Variants in ZNF189 observed in about 807,000 individuals in gnomAD.
ZNF189 encodes the protein zinc finger protein 189.
Under a neutral mutation model 53.5 loss-of-function variants are expected in ZNF189, and 33 were observed. That is an observed-to-expected ratio of 0.62 (90% CI 0.47 to 0.82). The LOEUF (loss-of-function observed/expected upper bound fraction) is 0.82, where lower values mean the gene tolerates loss of function less well. ZNF189 is among the 40% of genes least tolerant of loss of function. ZNF189 has a pLI of 0.00. For missense variants in ZNF189, 711 were observed against 753.9 expected (o/e 0.94, Z 0.67); for synonymous variants, 247 against 238.8 (o/e 1.03, Z -0.32).
Position 101,409,520 on chromosome 9 carries a change from C to G in ZNF189, c.1752C>G (p.Val584=). The G allele has an allele frequency of 1.2e-6, 2 of 1,614,050 alleles. No individual in the cohort carries two copies. The highest frequency in any genetic ancestry group is 1.7e-6 in the Non-Finnish European group (2 of 1,179,996). Reference sequence around the variant, plus strand: ...GTTTCAGTCAACAGCGCAGTCTTGTCAACCATCAGAAGATCCATGCAGAGG... The same window carrying G: ...GTTTCAGTCAACAGCGCAGTCTTGTGAACCATCAGAAGATCCATGCAGAGG... The part of the protein sequence containing the change: ...DKSFSQQRSL[V]NHQKIHAEVK... Residue 584 remains valine, a synonymous_variant, in exon 3 of 3, where the codon GTC becomes GTG. Transcript: ENST00000339664.
rs1452334126 is a variant in ZNF189 at position 101,409,564 on chromosome 9, A to G, written c.1796A>G (p.His599Arg). ...GCAGAGGTGAAAACCCAAGAAACCC[A>G]TGAATGTGACGCTTGTGGTGAAGCC... ...IHAEVKTQET[H>R]ECDACGEAFN... The change falls in exon 3 of 3, where the codon CAT becomes CGT. Residue 599 changes from histidine (H) to arginine (R), a missense_variant. Physicochemically the swap from His to Arg is conservative, Grantham distance 29. Coordinates refer to ENST00000339664, the MANE Select transcript of ZNF189 (RefSeq NM_003452.4). 8.1e-6 allele frequency: 13 copies of G among 1,613,978 alleles called. No individual in the cohort carries two copies. The highest frequency in any genetic ancestry group is 5.0e-5 in the Admixed American group (3 of 59,976).
Position 101,408,382 on chromosome 9 carries a change from A to T in ZNF189, c.614A>T (p.Glu205Val), listed in dbSNP as rs976967023. The T allele has an allele frequency of 6.2e-7, 1 of 1,614,010 alleles. No individual in the cohort carries two copies. Among genetic ancestry groups the T allele is most frequent in the East Asian group, 2.2e-5 (1 of 44,834 alleles). ...QRIHTGERPY[E>V]CNYCGKTFSV... The stretch of plus-strand genomic sequence containing the variant: ...ATTCACACTGGGGAAAGGCCCTATG[A>T]GTGTAATTACTGTGGAAAAACCTTT... Residue 205 changes from glutamate (E) to valine (V), a missense_variant, in exon 3 of 3, where the codon GAG (glutamate) becomes GTG (valine). By Grantham distance (121) the Glu-to-Val change is moderately radical. Coordinates refer to ENST00000339664, the MANE Select transcript of ZNF189 (RefSeq NM_003452.4).
chr9:101,405,664 A>G (rs1451748692), intron 2 of ZNF189, among the ~76,000 whole-genome samples: 1 of 152,198 alleles, frequency 6.6e-6, no homozygotes, highest in Non-Finnish European at 1.5e-5. Flanking sequence ...AGAAAAGGCC[A>G]AAGAAGTAGG....
At chr9:101,407,081 G>T (rs902012665) in intron 2 of ZNF189, among the ~76,000 whole-genome samples, 1 of 152,092 alleles carries the variant, frequency 6.6e-6, no homozygotes, top group Admixed American at 6.5e-5. Context: ...ATTTTATTCT[G>T]CATCTCGATA....
Position 101,401,921 on chromosome 9 carries a change from AT to A in ZNF189, c.160+1921del, listed in dbSNP as rs139208707. Among the ~76,000 whole-genome samples the A allele has an allele frequency of 1.4e-3, 208 of 149,480 alleles. 1 individual carries two copies. Among genetic ancestry groups the A allele is most frequent in the African/African-American group, 4.8e-3 (195 of 40,736 alleles). ...CTACCGCTCTGTGAAAATAAGTCCC[AT>A]TTTTTTTTTCAAGTCATAGCCTCAT... On this transcript the variant is annotated intron_variant, in intron 2 of 2. Coordinates refer to ENST00000339664, the MANE Select transcript of ZNF189 (RefSeq NM_003452.4).
chr9:101,399,262 C>A (rs1002600774), intron 1 of ZNF189, 73 bp downstream of exon 1: 1 of 1,398,950 alleles, frequency 7.1e-7, no homozygotes, highest in Admixed American at 2.3e-5. Context: ...CTGCTTTCTC[C>A]CCCAGGCCCC....
intron 2 of ZNF189, among the ~76,000 whole-genome samples, chr9:101,404,292 T>C (rs1830636753): frequency 6.6e-6 from 1 of 152,254 alleles, no homozygotes; most frequent in South Asian, 2.1e-4. Flanking sequence ...CATTCTTTAA[T>C]AATCTTTTTC....
chr9:101,408,897 T>C lies in ZNF189; in HGVS notation c.1129T>C (p.Cys377Arg). ...TGAAAGACCTTATCAGTGCAAAGAG[T>C]GTGGGAAAAGTTTCAGTCAGCTTTG... ...TGERPYQCKE[C>R]GKSFSQLCNL... Residue 377 changes from cysteine to arginine, a missense_variant, in exon 3 of 3, where the codon TGT becomes CGT. Transcript: ENST00000339664. 6.2e-7 allele frequency: 1 copy of C among 1,613,684 alleles called. No individual in the cohort carries two copies. The highest frequency in any genetic ancestry group is 8.5e-7 in the Non-Finnish European group (1 of 1,179,948).
At position 101,408,756 on chromosome 9, in the gene ZNF189, T is replaced by C; in HGVS notation, c.988T>C (p.Tyr330His). The C allele has an allele frequency of 6.2e-7, 1 of 1,614,054 alleles. No individual in the cohort carries two copies. The highest frequency in any genetic ancestry group is 8.5e-7 in the Non-Finnish European group (1 of 1,180,012). ...ECGKAFRLST[Y>H]LIQHQKIHTG... ...TGGGAAAGCCTTTCGATTAAGCACATACCTTATACAACACCAAAAAATTCA... is the reference window on the plus strand; with the variant it reads ...TGGGAAAGCCTTTCGATTAAGCACACACCTTATACAACACCAAAAAATTCA... The change falls in exon 3 of 3, where the codon TAC (tyrosine) becomes CAC (histidine). Residue 330 changes from tyrosine to histidine, a missense_variant. Physicochemically the swap from Tyr to His is moderately conservative, Grantham distance 83. Transcript: ENST00000339664.
intron 2 of ZNF189, among the ~76,000 whole-genome samples, chr9:101,400,846 A>C (rs997753835): frequency 1.3e-5 from 2 of 152,212 alleles, no homozygotes; most frequent in African/African-American, 4.8e-5. Flanking sequence ...TGACTAGACG[A>C]GGGTAACCAA....
At chr9:101,403,393 C>G (rs1249871090) in intron 2 of ZNF189, among the ~76,000 whole-genome samples, 2 of 152,146 alleles carry the variant, frequency 1.3e-5, no homozygotes, top group African/African-American at 4.8e-5. Context: ...ATCTCCATCC[C>G]TTTGGTGAGA....
chr9:101,399,876 T>C lies in ZNF189; in HGVS notation c.34-8T>C. 6.2e-7 allele frequency: 1 copy of C among 1,614,070 alleles called. No individual in the cohort carries two copies. Among genetic ancestry groups the C allele is most frequent in the Non-Finnish European group, 8.5e-7 (1 of 1,179,996 alleles). The stretch of plus-strand genomic sequence containing the variant: ...CAGGAACTGACTACAGAAATCATAC[T>C]ATTTCAGGGGTTGCTGACATTTGAG... On this transcript the variant is annotated splice_polypyrimidine_tract_variant and splice_region_variant and intron_variant, in intron 1 of 2. Coordinates refer to ENST00000339664, the MANE Select transcript of ZNF189 (RefSeq NM_003452.4).
chr9:101,408,225 T>G lies in ZNF189; in HGVS notation c.457T>G (p.Cys153Gly), dbSNP rs1830788217. ...SEEKCHKCEECGKGFVRKAHF... is the reference protein window; with the variant it reads ...SEEKCHKCEEGGKGFVRKAHF... ...AGAGAAATGCCATAAATGTGAAGAA[T>G]GTGGAAAGGGTTTTGTCCGCAAGGC... Residue 153 changes from cysteine to glycine, a missense_variant, in exon 3 of 3, where the codon TGT (cysteine) becomes GGT (glycine). Transcript: ENST00000339664. 1 of 1,614,156 alleles carries G rather than the reference T, an allele frequency of 6.2e-7. No individual in the cohort carries two copies. The highest frequency in any genetic ancestry group is 2.2e-5 in the East Asian group (1 of 44,868).
intron 2 of ZNF189, among the ~76,000 whole-genome samples, chr9:101,404,389 T>A (rs1049433998): frequency 6.7e-6 from 1 of 149,238 alleles, no homozygotes; most frequent in Non-Finnish European, 1.5e-5. Flanking sequence ...TTGGAATGAT[T>A]AGTTTCATAG....
chr9:101,410,165 T>C lies in ZNF189; in HGVS notation c.*516T>C, dbSNP rs1421406462. 3 of 153,304 alleles carry C rather than the reference T, an allele frequency of 2.0e-5. No homozygotes were observed. In the East Asian group the frequency reaches 5.8e-4, roughly 29 times the overall value. The allele number at this position is 153,304 out of a possible 1,614,324, so 9.5% of individuals were successfully genotyped here. ...TGTCATTGTTTAAGAAAGCCAGTTG[T>C]TTGGCATGTGAGTTAAAGGCAGTTC... On this transcript the variant is annotated 3_prime_UTR_variant, in exon 3 of 3. Coordinates refer to ENST00000339664, the MANE Select transcript of ZNF189 (RefSeq NM_003452.4).
chr9:101,398,923 C>T lies in ZNF189; in HGVS notation c.-234C>T. The T allele has an allele frequency of 1.9e-6, 1 of 516,698 alleles. No homozygotes were observed. Among genetic ancestry groups the T allele is most frequent in the South Asian group, 2.0e-5 (1 of 50,914 alleles). 32.0% of individuals were successfully genotyped at this position (516,698 alleles called of 1,614,324 possible). A position where few individuals can be genotyped will look rare whatever the true frequency, so the allele number is the denominator to read the frequency against. On this transcript the variant is annotated 5_prime_UTR_variant, in exon 1 of 3. Coordinates refer to ENST00000339664, the MANE Select transcript of ZNF189 (RefSeq NM_003452.4). ...GGAGGCTCTAGCGAGGCCTGAAAGGCTGCGTAACCAGGCAGGAGTAGGGGT... is the reference window on the plus strand; with the variant it reads ...GGAGGCTCTAGCGAGGCCTGAAAGGTTGCGTAACCAGGCAGGAGTAGGGGT...
At chr9:101,404,433 T>C (rs1830640354) in intron 2 of ZNF189, among the ~76,000 whole-genome samples, 1 of 152,184 alleles carries the variant, frequency 6.6e-6, no homozygotes, top group African/African-American at 2.4e-5. Flanking sequence ...TAATATTGAA[T>C]CTCTTTAGCC....
At position 101,410,113 on chromosome 9, in the gene ZNF189, A is replaced by G. The variant is rs538897225; in HGVS notation, c.*464A>G. On this transcript the variant is annotated 3_prime_UTR_variant, in exon 3 of 3. Coordinates refer to ENST00000339664, the MANE Select transcript of ZNF189 (RefSeq NM_003452.4). ...AAGTTGTCAAGGAAACAAAGCCCAA[A>G]TGTTTTTAAAACAAGTATACAGTTT... is the stretch of plus-strand genomic sequence containing the variant. 125 of 154,106 alleles carry G rather than the reference A, an allele frequency of 8.1e-4. No individual in the cohort carries two copies. The highest frequency in any genetic ancestry group is 4.2e-4 in the Non-Finnish European group (29 of 69,288). The allele number at this position is 154,106 out of a possible 1,614,324, so 9.5% of individuals were successfully genotyped here.
In ZNF189 at chr9:101,407,930, T is replaced by A; in HGVS notation, c.162T>A (p.Asp54Glu). ...TGTATTTCCTTTTTATTATTCCAGA[T>A]GTTTTGAACAGAGATAAGGATGAGG... ...MENYGNLVSLDVLNRDKDEEP... is the reference protein window; with the variant it reads ...MENYGNLVSLEVLNRDKDEEP... The change falls in exon 3 of 3, where the codon GAT (aspartate) becomes GAA (glutamate). Residue 54 changes from aspartate to glutamate, a missense_variant and splice_region_variant. By Grantham distance (45) the Asp-to-Glu change is conservative. Coordinates refer to ENST00000339664, the MANE Select transcript of ZNF189 (RefSeq NM_003452.4). The A allele has an allele frequency of 6.5e-7, 1 of 1,536,042 alleles. No homozygotes were observed. Among genetic ancestry groups the A allele is most frequent in the Non-Finnish European group, 8.7e-7 (1 of 1,146,700 alleles).
Sources: gnomAD v4.1 joint callset for allele counts (sites outside exome capture counted in the v4.1 genomes callset) on GRCh38, gnomAD v4.1.1 for gene constraint, MANE v1.5 for transcripts, NCBI Gene and HGNC (gene_info 2026-07-23, HGNC 2026-07-21) for gene names.